Variants in POFUT3 observed in about 807,000 individuals in gnomAD.
POFUT3 encodes GDP-fucose protein O-fucosyltransferase 3.
At chr8:33,332,873 T>C in the POFUT3 span, among the ~76,000 whole-genome samples, 1 of 152,112 alleles carries the variant, frequency 6.6e-6, no homozygotes, top group Non-Finnish European at 1.5e-5. Flanking sequence ...AGCCCTTCAT[T>C]TCCCATGGCC....
At chr8:33,371,837 A>G in the POFUT3 span, 1 of 152,262 alleles carries the variant, frequency 6.6e-6, no homozygotes, top group Non-Finnish European at 1.5e-5. Context: ...CAGGCTGTCC[A>G]GCCTGAATCA....
At chr8:33,354,381 T>C in the POFUT3 span, among the ~76,000 whole-genome samples, 1 of 152,156 alleles carries the variant, frequency 6.6e-6, no homozygotes, top group African/African-American at 2.4e-5. Flanking sequence ...GAGCTGATGA[T>C]GTAAGCCCCG....
chr8:33,456,267 C>T, the POFUT3 span, among the ~76,000 whole-genome samples: 3 of 152,184 alleles, frequency 2.0e-5, no homozygotes, highest in Non-Finnish European at 4.4e-5. Context: ...TCAATATCTA[C>T]TATGTGAGTT....
At chr8:33,455,640 A>T in the POFUT3 span, 8 of 285,876 alleles carry the variant, frequency 2.8e-5, no homozygotes, top group African/African-American at 1.8e-4. Flanking sequence ...ACTATGAAAC[A>T]AATACAGCGT....
chr8:33,345,105 A>T, the POFUT3 span, among the ~76,000 whole-genome samples: 1 of 152,184 alleles, frequency 6.6e-6, no homozygotes, highest in Non-Finnish European at 1.5e-5. Flanking sequence ...ATGGACTAAA[A>T]TTGTTTGCAT....
At chr8:33,310,958 C>T in the POFUT3 span, among the ~76,000 whole-genome samples, 1 of 152,202 alleles carries the variant, frequency 6.6e-6, no homozygotes, top group Non-Finnish European at 1.5e-5. Context: ...TCAACAATGT[C>T]ATCAGAGACT....
At chr8:33,429,659 T>C in the POFUT3 span, among the ~76,000 whole-genome samples, 3 of 151,444 alleles carry the variant, frequency 2.0e-5, no homozygotes, top group Non-Finnish European at 2.9e-5. Context: ...TACGAGTGCA[T>C]GCAACCAACA....
chr8:33,430,689 C>G, the POFUT3 span, among the ~76,000 whole-genome samples: 1 of 152,162 alleles, frequency 6.6e-6, no homozygotes, highest in South Asian at 2.1e-4. Context: ...ACCTCCACTT[C>G]CTGGGTTCAA....
the POFUT3 span, among the ~76,000 whole-genome samples, chr8:33,451,462 A>G: frequency 1.1e-3 from 169 of 151,990 alleles, 1 homozygote; most frequent in Non-Finnish European, 1.7e-3. Flanking sequence ...GTATATGTGT[A>G]TGTATATGTG....
chr8:33,450,701 T>C, the POFUT3 span, among the ~76,000 whole-genome samples: 2 of 152,170 alleles, frequency 1.3e-5, no homozygotes, highest in Non-Finnish European at 1.5e-5. Context: ...GAGTCACTGA[T>C]AGTTTTGGGC....
At chr8:33,427,046 G>C in the POFUT3 span, among the ~76,000 whole-genome samples, 1 of 152,210 alleles carries the variant, frequency 6.6e-6, no homozygotes, top group African/African-American at 2.4e-5. Flanking sequence ...GGCTGCCCTA[G>C]GCAAACAAGC....
the POFUT3 span, among the ~76,000 whole-genome samples, chr8:33,340,758 A>G: frequency 1.1e-4 from 16 of 152,304 alleles, no homozygotes; most frequent in African/African-American, 3.8e-4. Context: ...CTAAGTAAGT[A>G]TGCACCAAAC....
the POFUT3 span, among the ~76,000 whole-genome samples, chr8:33,375,493 A>C: frequency 6.6e-6 from 1 of 152,134 alleles, no homozygotes; most frequent in South Asian, 2.1e-4. Flanking sequence ...GCCATATCTC[A>C]ACATCTTCAG....
chr8:33,424,371 G>A, the POFUT3 span, among the ~76,000 whole-genome samples: 6 of 152,154 alleles, frequency 3.9e-5, no homozygotes, highest in East Asian at 1.9e-4. Flanking sequence ...CCTGTGTCCC[G>A]CAGCCCAATC....
chr8:33,419,436 T>C, the POFUT3 span, among the ~76,000 whole-genome samples: 2 of 152,098 alleles, frequency 1.3e-5, no homozygotes, highest in African/African-American at 4.8e-5. Flanking sequence ...CTAAATCCTT[T>C]GCATGTGCAT....
chr8:33,336,128 C>T, the POFUT3 span, among the ~76,000 whole-genome samples: 2 of 152,202 alleles, frequency 1.3e-5, no homozygotes, highest in South Asian at 2.1e-4. Context: ...TTAAATTTAA[C>T]CCACATTATT....
chr8:33,324,798 T>C, the POFUT3 span, among the ~76,000 whole-genome samples: 1 of 151,726 alleles, frequency 6.6e-6, no homozygotes, highest in African/African-American at 2.4e-5. Context: ...TTGGAAGTCA[T>C]AGCTGCCCAC....
At chr8:33,434,316 G>C in the POFUT3 span, among the ~76,000 whole-genome samples, 1 of 152,074 alleles carries the variant, frequency 6.6e-6, no homozygotes, top group African/African-American at 2.4e-5. Context: ...CATTTTACTT[G>C]CAGGACCCTC....
the POFUT3 span, among the ~76,000 whole-genome samples, chr8:33,374,732 TAA>T: frequency 6.6e-6 from 1 of 152,276 alleles, no homozygotes; most frequent in Non-Finnish European, 1.5e-5. Context: ...TAAAAAAAAT[TAA>T]AAGTGTTTTT....
Sources: allele counts gnomAD v4.1 joint callset (sites outside exome capture counted in the v4.1 genomes callset), GRCh38; gene constraint gnomAD v4.1.1; transcripts MANE v1.5; gene names NCBI Gene and HGNC (gene_info 2026-07-23, HGNC 2026-07-21).